Variants in PHACTR2 observed in about 807,000 individuals in gnomAD.
The protein encoded by PHACTR2 is phosphatase and actin regulator 2.
Under a neutral mutation model 76.0 loss-of-function variants are expected in PHACTR2, and 30 were observed. The ratio of observed to expected loss-of-function variants is 0.39; its 90% CI spans 0.30 to 0.54. PHACTR2 has a LOEUF of 0.54. PHACTR2 is among the 20% of genes least tolerant of loss of function. PHACTR2 has a pLI of 0.61. For missense variants in PHACTR2, 696 were observed against 781.1 expected, an observed-to-expected ratio of 0.89 and a Z score of 1.30; for synonymous variants, 292 against 292.5, an observed-to-expected ratio of 1.00 and a Z score of 0.02.
intron 1 of PHACTR2, among the ~76,000 whole-genome samples, chr6:143,612,102 T>A (rs112386658): frequency 6.6e-6 from 1 of 152,230 alleles, no homozygotes; most frequent in East Asian, 1.9e-4. Flanking sequence ...CTGATGACTA[T>A]TTAATCCACT....
chr6:143,774,158 G>A lies in PHACTR2; in HGVS notation c.1532G>A (p.Arg511His), dbSNP rs750958486. ...KELEDKNILQ[R>H]TSEEERQEIR... ...CTAGAGGACAAAAACATCTTGCAGC[G>A]TACATCTGAAGAAGAGAGGCAGGAA... Residue 511 changes from arginine (R) to histidine (H), a missense_variant, in exon 8 of 13, where the codon CGT (arginine) becomes CAT (histidine). Physicochemically the swap from Arg to His is conservative, Grantham distance 29. This residue lies in a region of PHACTR2 where 236 missense variants were observed against 330.2 expected (regional missense o/e 0.71). Transcript: ENST00000440869. The surrounding 1 kb of genome is among the most constrained non-coding windows in gnomAD (Gnocchi z 5.4). 164 of 1,613,826 alleles carry A rather than the reference G, an allele frequency of 1.0e-4. No individual in the cohort carries two copies. The highest frequency in any genetic ancestry group is 1.3e-4 in the Non-Finnish European group (151 of 1,179,838).
intron 4 of PHACTR2, among the ~76,000 whole-genome samples, chr6:143,756,096 A>G (rs1185905355): frequency 6.6e-6 from 1 of 152,140 alleles, no homozygotes; most frequent in Admixed American, 6.5e-5. Context: ...AAACCATATC[A>G]TCTGCCTTTA....
In PHACTR2 at chr6:143,780,745, C is replaced by T. The variant is rs1333552333; in HGVS notation, c.1646-2474C>T. 6.6e-6 allele frequency among the ~76,000 whole-genome samples: 1 copy of T among 152,128 alleles called. No homozygotes were observed. The highest frequency in any genetic ancestry group is 1.5e-5 in the Non-Finnish European group (1 of 68,030). On this transcript the variant is annotated intron_variant, in intron 9 of 12. Coordinates refer to ENST00000440869, the MANE Select transcript of PHACTR2 (RefSeq NM_001100164.2). This position sits in a 1 kb window ranked among gnomAD's most constrained non-coding sequence, Gnocchi z 4.4. ...TCTTGCGGGTCGTCCGAAATGTTCG[C>T]CCCTCTCTGCTCTGATGAGAGTCAC...
At position 143,541,777 on chromosome 6, in the gene PHACTR2, A is replaced by ACCAGTTCTGCTGT. The variant is rs531954649; in HGVS notation, c.217+4571_217+4583dup. Among the ~76,000 whole-genome samples, 167 of 152,260 alleles carry ACCAGTTCTGCTGT rather than the reference A, an allele frequency of 1.1e-3. No individual in the cohort carries two copies. Among genetic ancestry groups the ACCAGTTCTGCTGT allele is most frequent in the Non-Finnish European group, 1.4e-3 (93 of 68,008 alleles). On this transcript the variant is annotated intron_variant, in intron 1 of 11. Coordinates refer to the PHACTR2 transcript ENST00000367584. The surrounding 1 kb of genome is among the most constrained non-coding windows in gnomAD (Gnocchi z 5.3). Reference sequence around the variant, plus strand: ...CTTCCATGAGATACTGCTGTCCAAGACCAGTTCTGCTGTTGGGTCACCTGT... The same window carrying ACCAGTTCTGCTGT: ...CTTCCATGAGATACTGCTGTCCAAGACCAGTTCTGCTGTCCAGTTCTGCTGTTGGGTCACCTGT...
rs182327585 is a variant in PHACTR2, at chr6:143,556,343, G to T, written c.217+19136G>T. 2.6e-5 allele frequency among the ~76,000 whole-genome samples: 4 copies of T among 152,348 alleles called. No homozygotes were observed. In the East Asian group the frequency reaches 7.7e-4, roughly 29 times the overall value. On this transcript the variant is annotated intron_variant, in intron 1 of 11. Transcript: ENST00000367584. This position sits in a 1 kb window ranked among gnomAD's most constrained non-coding sequence, Gnocchi z 4.3. ...CCTGCGTGCCAGGCACAAGGCGTGG[G>T]CCAGGAGAGTGAATATCTGGTGGAG...
chr6:143,588,050 A>AAATAAAATAAAATAC (rs1775648764), intron 1 of PHACTR2, among the ~76,000 whole-genome samples: 1 of 151,350 alleles, frequency 6.6e-6, no homozygotes, highest in Non-Finnish European at 1.5e-5. Context: ...AAATAAAATA[A>AAATAAAATAAAATAC]AATACTAGTC....
At position 143,547,892 on chromosome 6, in the gene PHACTR2, C is replaced by G. The variant is rs369682080; in HGVS notation, c.217+10685C>G. ...TGTATGTATGTATGTACGTATGTAT[C>G]TATCTATCTATCTATCATCTATCTA... On this transcript the variant is annotated intron_variant, in intron 1 of 11. Transcript: ENST00000367584. The surrounding 1 kb of genome is among the most constrained non-coding windows in gnomAD (Gnocchi z 4.2). 1.1e-4 allele frequency among the ~76,000 whole-genome samples: 17 copies of G among 152,090 alleles called. No individual in the cohort carries two copies. The highest frequency in any genetic ancestry group is 6.2e-4 in the South Asian group (3 of 4,814).
rs1775954527 is a variant in PHACTR2 at position 143,801,521 on chromosome 6, T to C, written c.1846-5536T>C. On this transcript the variant is annotated intron_variant, in intron 11 of 12. Transcript: ENST00000440869. The surrounding 1 kb of genome is among the most constrained non-coding windows in gnomAD (Gnocchi z 4.6). ...TGAGGCTTGTGTATGCTTCACGGAG[T>C]TCTCGTACTGTAGTTTTCAGCTCCA... 6.6e-6 allele frequency among the ~76,000 whole-genome samples: 1 copy of C among 152,096 alleles called. No homozygotes were observed. The highest frequency in any genetic ancestry group is 2.4e-5 in the African/African-American group (1 of 41,420).
rs1351105588 is a variant in PHACTR2 at position 143,580,039 on chromosome 6, G to T, written c.217+42832G>T. 6.6e-6 allele frequency among the ~76,000 whole-genome samples: 1 copy of T among 152,156 alleles called. No individual in the cohort carries two copies. Among genetic ancestry groups the T allele is most frequent in the Non-Finnish European group, 1.5e-5 (1 of 68,044 alleles). On this transcript the variant is annotated intron_variant, in intron 1 of 11. Transcript: ENST00000367584. The surrounding 1 kb of genome is among the most constrained non-coding windows in gnomAD (Gnocchi z 4.2). ...TTTTGCAGGCCACCCTCAGTTTCTT[G>T]CCACGTGGGCCTCTCCATAGGGCAG... is the stretch of plus-strand genomic sequence containing the variant.
rs146642497 is a variant in PHACTR2 at position 143,760,116 on chromosome 6, C to A, written c.455-285C>A. On this transcript the variant is annotated intron_variant, in intron 4 of 12. Transcript: ENST00000440869. The surrounding 1 kb of genome is among the most constrained non-coding windows in gnomAD (Gnocchi z 6.4). ...CCCAGATCCAAGGCTGGAACTGAGGCCCCTGACTGCAAACATTTACACACA... is the reference window on the plus strand; with the variant it reads ...CCCAGATCCAAGGCTGGAACTGAGGACCCTGACTGCAAACATTTACACACA... Among the ~76,000 whole-genome samples, 13 of 152,330 alleles carry A rather than the reference C, an allele frequency of 8.5e-5. No individual in the cohort carries two copies. Among genetic ancestry groups the A allele is most frequent in the Admixed American group, 7.8e-4 (12 of 15,300 alleles).
chr6:143,821,630 G>A lies in PHACTR2; in HGVS notation c.1923-2044G>A, dbSNP rs1029762681. Among the ~76,000 whole-genome samples the A allele has an allele frequency of 6.6e-6, 1 of 152,234 alleles. No homozygotes were observed. The highest frequency in any genetic ancestry group is 2.4e-5 in the African/African-American group (1 of 41,458). On this transcript the variant is annotated intron_variant, in intron 12 of 12. Transcript: ENST00000440869. This position sits in a 1 kb window ranked among gnomAD's most constrained non-coding sequence, Gnocchi z 5.2. ...AGCAATTAGTGCTTCCCTGAGCAGT[G>A]GAGAAAAGAGTTTGGAGAACTCACA...
chr6:143,673,827 C>T (rs1218365482), upstream of PHACTR2, among the ~76,000 whole-genome samples: 1 of 151,906 alleles, frequency 6.6e-6, no homozygotes. Context: ...GAGACTCACG[C>T]AGGGTGAGGC....
At position 143,819,563 on chromosome 6, in the gene PHACTR2, G is replaced by GGAGGCCTGAGAGCTC; in HGVS notation, c.1923-4105_1923-4091dup. Among the ~76,000 whole-genome samples the GGAGGCCTGAGAGCTC allele has an allele frequency of 6.6e-6, 1 of 152,314 alleles. No homozygotes were observed. Among genetic ancestry groups the GGAGGCCTGAGAGCTC allele is most frequent in the East Asian group, 1.9e-4 (1 of 5,184 alleles). Reference sequence around the variant, plus strand: ...TGGTAGCCTGGCTCAGTCCAAGGCTGGAGGCCTGAGAGCTCGAGGCAGTGG... The same window carrying GGAGGCCTGAGAGCTC: ...TGGTAGCCTGGCTCAGTCCAAGGCTGGAGGCCTGAGAGCTCGAGGCCTGAGAGCTCGAGGCAGTGG... On this transcript the variant is annotated intron_variant, in intron 12 of 12. Coordinates refer to ENST00000440869, the MANE Select transcript of PHACTR2 (RefSeq NM_001100164.2). This position sits in a 1 kb window ranked among gnomAD's most constrained non-coding sequence, Gnocchi z 5.0.
At chr6:143,719,167 G>A (rs1238926988) in intron 2 of PHACTR2, among the ~76,000 whole-genome samples, 11 of 149,988 alleles carry the variant, frequency 7.3e-5, no homozygotes, top group Non-Finnish European at 1.5e-4. Context: ...ACAGGCGTGA[G>A]CAACCGTGCC....
chr6:143,740,782 C>T (rs972144669), intron 2 of PHACTR2, among the ~76,000 whole-genome samples: 2 of 152,162 alleles, frequency 1.3e-5, no homozygotes, highest in South Asian at 2.1e-4. Flanking sequence ...CAGAAAGCAG[C>T]GTACCTCTGG....
intron 11 of PHACTR2, among the ~76,000 whole-genome samples, chr6:143,792,025 C>T (rs1223705659): frequency 6.6e-6 from 1 of 152,134 alleles, no homozygotes; most frequent in Non-Finnish European, 1.5e-5. Flanking sequence ...CTTACCCTTA[C>T]ACTGAGGGTA....
intron 2 of PHACTR2, among the ~76,000 whole-genome samples, chr6:143,744,170 G>A (rs1198052691): frequency 2.0e-5 from 3 of 152,156 alleles, no homozygotes; most frequent in African/African-American, 7.2e-5. Context: ...AGGACAGAAG[G>A]TTGAGAATTT....
chr6:143,542,734 A>G (rs1044479703), intron 1 of PHACTR2, among the ~76,000 whole-genome samples: 3 of 152,156 alleles, frequency 2.0e-5, no homozygotes, highest in African/African-American at 7.2e-5. Flanking sequence ...AAATTTCTTC[A>G]TATTTCATAG....
At position 143,742,423 on chromosome 6, in the gene PHACTR2, T is replaced by C. The variant is rs1218250550; in HGVS notation, c.215-6562T>C. 6.6e-6 allele frequency among the ~76,000 whole-genome samples: 1 copy of C among 152,222 alleles called. No individual in the cohort carries two copies. Among genetic ancestry groups the C allele is most frequent in the African/African-American group, 2.4e-5 (1 of 41,454 alleles). On this transcript the variant is annotated intron_variant, in intron 2 of 12. Transcript: ENST00000440869. This position sits in a 1 kb window ranked among gnomAD's most constrained non-coding sequence, Gnocchi z 4.5. ...CACTCTTGCTCATATTTGTCTGGTT[T>C]TAACAGCTCCAGAAGAAAGAGAAAG... is the stretch of plus-strand genomic sequence containing the variant.
Sources: allele counts gnomAD v4.1 joint callset (sites outside exome capture counted in the v4.1 genomes callset), GRCh38; gene constraint gnomAD v4.1.1; regional missense constraint gnomAD v4.1.1; non-coding constraint Gnocchi (gnomAD v3.1); transcripts MANE v1.5; gene names NCBI Gene and HGNC (gene_info 2026-07-23, HGNC 2026-07-21).